Variants in DNM1L observed in about 807,000 individuals in gnomAD.
The protein encoded by DNM1L is dynamin 1L.
In DNM1L, 33 loss-of-function variants were observed where a neutral mutation model predicts 92.8. That is an observed-to-expected ratio of 0.36 (90% CI 0.27 to 0.48). The LOEUF is 0.48. DNM1L is among the 20% of genes least tolerant of loss of function. DNM1L has a pLI of 0.99. For synonymous variants in DNM1L, 284 were observed against 305.0 expected (o/e 0.93, Z 0.72); for missense variants, 485 against 888.8 (o/e 0.55, Z 5.78).
intron 6 of DNM1L, among the ~76,000 whole-genome samples, chr12:32,717,967 ATT>A (rs1953594190): frequency 9.6e-6 from 1 of 103,962 alleles, no homozygotes; most frequent in Non-Finnish European, 1.8e-5. Context: ...TAGTATATAT[ATT>A]ATATATAGTA....
At chr12:32,741,860 T>TGTAA (rs1036700014) in intron 18 of DNM1L, among the ~76,000 whole-genome samples, 16 of 152,330 alleles carry the variant, frequency 1.1e-4, no homozygotes, top group Admixed American at 9.8e-4. Flanking sequence ...TCTACGTTTG[T>TGTAA]GTAAGTACAC....
intron 1 of DNM1L, among the ~76,000 whole-genome samples, chr12:32,689,665 G>A (rs1952158319): frequency 9.2e-6 from 1 of 108,938 alleles, no homozygotes; most frequent in Admixed American, 8.6e-5. Flanking sequence ...TCAAAATAAA[G>A]AATTGAGAGG....
intron 18 of DNM1L, among the ~76,000 whole-genome samples, chr12:32,742,111 GT>G (rs1473399438): frequency 2.3e-4 from 33 of 146,494 alleles, no homozygotes; most frequent in South Asian, 2.2e-4. Context: ...TGTTGCTTTT[GT>G]TTTTTTTTTT....
intron 1 of DNM1L, among the ~76,000 whole-genome samples, chr12:32,698,087 A>AAT (rs1952545103): frequency 6.6e-6 from 1 of 152,186 alleles, no homozygotes; most frequent in Non-Finnish European, 1.5e-5. Context: ...ACAGGAATGA[A>AAT]ATGATGGAAA....
intron 1 of DNM1L, among the ~76,000 whole-genome samples, chr12:32,680,216 T>C (rs1951756512): frequency 6.6e-6 from 1 of 152,196 alleles, no homozygotes; most frequent in African/African-American, 2.4e-5. Context: ...AACTCATTTT[T>C]TTTTGAATGC....
rs1565512915 is a variant in DNM1L at position 32,713,258 on chromosome 12, T to G, written c.506T>G (p.Leu169Arg). 5 of 1,613,984 alleles carry G rather than the reference T, an allele frequency of 3.1e-6. No individual in the cohort carries two copies. Among genetic ancestry groups the G allele is most frequent in the Non-Finnish European group, 4.2e-6 (5 of 1,179,952 alleles). Residue 169 changes from leucine (L) to arginine (R), a missense_variant, in exon 6 of 20, where the codon CTC becomes CGC. Transcript: ENST00000549701. Reference protein sequence around the residue: ...PKDIELQIRELILRFISNPNS... With the variant: ...PKDIELQIRERILRFISNPNS... ...GATATTGAGCTTCAAATCAGAGAGC[T>G]CATTCTTCGGTTCATCAGTAATCCT...
Position 32,740,087 on chromosome 12 carries a change from T to G in DNM1L, c.1731T>G (p.Val577=). Reference sequence around the variant, plus strand: ...AGGTTGCATCTGGAGGTGGTGGGGTTGGAGATGGTGTTCAAGAACCAACCA... The same window carrying G: ...AGGTTGCATCTGGAGGTGGTGGGGTGGGAGATGGTGTTCAAGAACCAACCA... ...TKNVASGGGG[V]GDGVQEPTTG... The change falls in exon 17 of 20, where the codon GTT becomes GTG. Residue 577 remains valine (V), a synonymous_variant. Transcript: ENST00000549701. The G allele has an allele frequency of 1.2e-6, 2 of 1,614,180 alleles. No homozygotes were observed. The highest frequency in any genetic ancestry group is 2.2e-5 in the South Asian group (2 of 91,080).
Position 32,731,807 on chromosome 12 carries a change from A to AAAAAAAG in DNM1L, c.1357-41_1357-40insGAAAAAA, listed in dbSNP as rs1555126034. On this transcript the variant is annotated intron_variant, in intron 11 of 19. Coordinates refer to ENST00000549701, the MANE Select transcript of DNM1L (RefSeq NM_012062.5). This position sits in a 1 kb window ranked among gnomAD's most constrained non-coding sequence, Gnocchi z 5.1. ...TGGCTTAGTGAGACTATGACTTAAA[A>AAAAAAAG]AAAAAACAAAAAACAAACACGTTTT... 1.3e-6 allele frequency: 2 copies of AAAAAAAG among 1,520,018 alleles called. No individual in the cohort carries two copies. The highest frequency in any genetic ancestry group is 9.1e-7 in the Non-Finnish European group (1 of 1,096,962). 94.2% of individuals were successfully genotyped at this position (1,520,018 alleles called of 1,614,324 possible).
At chr12:32,687,355 T>G (rs1449891662) in intron 1 of DNM1L, among the ~76,000 whole-genome samples, 2 of 152,148 alleles carry the variant, frequency 1.3e-5, no homozygotes, top group Non-Finnish European at 2.9e-5. Flanking sequence ...TTGCACGTGC[T>G]TCTCCAGTTG....
intron 9 of DNM1L, among the ~76,000 whole-genome samples, chr12:32,724,592 AAATATATAT>A (rs1452121465): frequency 9.1e-4 from 35 of 38,658 alleles, no homozygotes; most frequent in African/African-American, 2.1e-3. Context: ...AAAAAAAAAA[AAATATATAT>A]ATATATATAT....
At position 32,733,702 on chromosome 12, in the gene DNM1L, A is replaced by G. The variant is rs907348473; in HGVS notation, c.1447-13A>G. On this transcript the variant is annotated splice_polypyrimidine_tract_variant and intron_variant, in intron 12 of 19. Transcript: ENST00000549701. ...TGTATTTTTGTATATCGCCTAACTT[A>G]CTTTTTTTCTAGGTCCATAACTTAG... 1.2e-6 allele frequency: 2 copies of G among 1,610,502 alleles called. No individual in the cohort carries two copies. The highest frequency in any genetic ancestry group is 1.1e-5 in the South Asian group (1 of 90,938).
Position 32,731,056 on chromosome 12 carries a change from T to C in DNM1L, c.1122T>C (p.Phe374=), listed in dbSNP as rs762200396. The C allele has an allele frequency of 6.2e-7, 1 of 1,614,068 alleles. No homozygotes were observed. The highest frequency in any genetic ancestry group is 8.5e-7 in the Non-Finnish European group (1 of 1,179,974). The change falls in exon 10 of 20, where the codon TTT becomes TTC. Residue 374 remains phenylalanine, a synonymous_variant. Transcript: ENST00000549701. The surrounding 1 kb of genome is among the most constrained non-coding windows in gnomAD (Gnocchi z 5.1). ...TTTGTTATATTTTCCATGAGACTTT[T>C]GGGCGAACCTTAGAATCTGTTGATC... The part of the protein sequence containing the change: ...ARICYIFHET[F]GRTLESVDPL...
intron 1 of DNM1L, among the ~76,000 whole-genome samples, chr12:32,691,034 G>T (rs991249233): frequency 2.6e-5 from 4 of 152,148 alleles, no homozygotes; most frequent in Non-Finnish European, 5.9e-5. Context: ...TCACAGACTG[G>T]GTAGCTTAAA....
chr12:32,713,150 G>T (rs1446064170), intron 5 of DNM1L, 59 bp from the exon 6 acceptor site: 2 of 1,581,172 alleles, frequency 1.3e-6, no homozygotes, highest in Non-Finnish European at 8.7e-7. Context: ...TTAAATGTGG[G>T]TAAAAAAGCT....
At chr12:32,738,913 T>G (rs1182435734) in intron 16 of DNM1L, among the ~76,000 whole-genome samples, 1 of 152,212 alleles carries the variant, frequency 6.6e-6, no homozygotes, top group African/African-American at 2.4e-5. Flanking sequence ...TTTATAAATG[T>G]CTTATCTTCT....
intron 1 of DNM1L, among the ~76,000 whole-genome samples, chr12:32,685,783 G>A (rs1295201109): frequency 1.3e-5 from 2 of 151,840 alleles, no homozygotes; most frequent in African/African-American, 2.4e-5. Flanking sequence ...TTGAAAAACA[G>A]CACTTTTTGA....
At chr12:32,710,865 T>G in intron 4 of DNM1L, 64 bp from the exon 5 acceptor site, 1 of 1,284,304 alleles carries the variant, frequency 7.8e-7, no homozygotes, top group Non-Finnish European at 1.1e-6. Context: ...TCTATGTACT[T>G]GAAATGAAGT....
intron 1 of DNM1L, among the ~76,000 whole-genome samples, chr12:32,682,701 C>G (rs533063300): frequency 2.7e-4 from 41 of 152,338 alleles, no homozygotes; most frequent in Non-Finnish European, 5.6e-4. Flanking sequence ...ACTTCCCAGG[C>G]AACCATTGCT....
In DNM1L at chr12:32,722,413, C is replaced by A; in HGVS notation, c.873-14C>A. The A allele has an allele frequency of 6.2e-7, 1 of 1,608,420 alleles. No individual in the cohort carries two copies. Among genetic ancestry groups the A allele is most frequent in the Non-Finnish European group, 8.5e-7 (1 of 1,177,310 alleles). On this transcript the variant is annotated splice_polypyrimidine_tract_variant and intron_variant, in intron 8 of 19. Coordinates refer to ENST00000549701, the MANE Select transcript of DNM1L (RefSeq NM_012062.5). The stretch of plus-strand genomic sequence containing the variant: ...AATTTTACTTTTAAATCCTTCCTTT[C>A]TAACCTTTTTTAGGTTACTGATGCA...
Sources: allele counts gnomAD v4.1 joint callset (sites outside exome capture counted in the v4.1 genomes callset), GRCh38; gene constraint gnomAD v4.1.1; non-coding constraint Gnocchi (gnomAD v3.1); transcripts MANE v1.5; gene names NCBI Gene and HGNC (gene_info 2026-07-23, HGNC 2026-07-21).